GSE1: variants seen among roughly 807,000 people sequenced by gnomAD.
The protein encoded by GSE1 is Gse1 coiled-coil protein.
In GSE1, 32 loss-of-function variants were observed where a neutral mutation model predicts 112.6. The ratio of observed to expected loss-of-function variants is 0.28; its 90% confidence interval spans 0.21 to 0.38. The LOEUF (loss-of-function observed/expected upper bound fraction) is 0.38. Among genes scored for constraint, GSE1 ranks in the 10% least tolerant of loss-of-function variants. The probability of loss-of-function intolerance (pLI) is 1.00; values close to 1 mark genes in which losing one functional copy is unlikely to be tolerated. For synonymous variants in GSE1, 1,115 were observed against 735.6 expected, an observed-to-expected ratio of 1.52 and a Z score of -8.35; for missense variants, 2,348 against 1,699.2, an observed-to-expected ratio of 1.38 and a Z score of -6.71.
At chr16:85,550,647 G>A (rs549616096) in intron 2 of GSE1, among the ~76,000 whole-genome samples, 8 of 152,240 alleles carry the variant, frequency 5.3e-5, no homozygotes, top group African/African-American at 1.9e-4. Context: ...GAGGCACCCC[G>A]CCGCCTGCAC....
intron 1 of GSE1, among the ~76,000 whole-genome samples, chr16:85,234,883 CCAAAGAAA>C (rs1346012315): frequency 6.6e-6 from 1 of 152,134 alleles, no homozygotes; most frequent in African/African-American, 2.4e-5. Context: ...TCAGTTTACA[CCAAAGAAA>C]CAAAGGCGGC....
At chr16:85,653,721 CA>C (rs1443197523) in intron 3 of GSE1, among the ~76,000 whole-genome samples, 1 of 152,016 alleles carries the variant, frequency 6.6e-6, no homozygotes, top group Non-Finnish European at 1.5e-5. Context: ...TGGTTGGGGG[CA>C]GACCAGCACC....
chr16:85,350,535 C>T (rs1474524566), intron 1 of GSE1, among the ~76,000 whole-genome samples: 1 of 152,174 alleles, frequency 6.6e-6, no homozygotes, highest in Non-Finnish European at 1.5e-5. Context: ...GTGAGGGACA[C>T]TGGACAGGCC....
intron 1 of GSE1, among the ~76,000 whole-genome samples, chr16:85,352,124 C>T (rs1479510247): frequency 2.0e-5 from 3 of 152,186 alleles, no homozygotes; most frequent in Admixed American, 6.5e-5. Flanking sequence ...TACAGTCTTC[C>T]TCTTTGGAGC....
chr16:85,226,363 T>C (rs1250136281), intron 1 of GSE1, among the ~76,000 whole-genome samples: 1 of 152,224 alleles, frequency 6.6e-6, no homozygotes, highest in Non-Finnish European at 1.5e-5. Flanking sequence ...TTATTTAAGC[T>C]TAAAGAGTGA....
intron 2 of GSE1, among the ~76,000 whole-genome samples, chr16:85,413,434 T>C (rs1166879073): frequency 6.6e-6 from 1 of 151,998 alleles, no homozygotes; most frequent in East Asian, 1.9e-4. Context: ...CATGGCGGCC[T>C]GCTCTCCCGG....
intron 1 of GSE1, among the ~76,000 whole-genome samples, chr16:85,333,921 C>T (rs912694288): frequency 6.6e-6 from 1 of 152,194 alleles, no homozygotes; most frequent in African/African-American, 2.4e-5. Context: ...GGGGATGTCC[C>T]GTGCATGGCA....
At position 85,583,178 on chromosome 16, in the gene GSE1, T is replaced by C. The variant is rs530586524; in HGVS notation, c.37+26815T>C. On this transcript the variant is annotated intron_variant, in intron 1 of 2. Coordinates refer to the GSE1 transcript ENST00000635906. ...GCCCAGTCTTTGATTCCAACCCTGT[T>C]CCCCCGATTACAAGGGTAATAGGCA... 4.6e-5 allele frequency among the ~76,000 whole-genome samples: 7 copies of C among 152,204 alleles called. No individual in the cohort carries two copies. In the East Asian group the frequency reaches 1.4e-3, roughly 29 times the overall value.
chr16:85,491,293 C>G (rs1247599519), intron 2 of GSE1, among the ~76,000 whole-genome samples: 1 of 152,232 alleles, frequency 6.6e-6, no homozygotes, highest in Non-Finnish European at 1.5e-5. Flanking sequence ...ACCCAATGTT[C>G]ACTGAGCACC....
At chr16:85,370,279 G>A (rs907423968) in intron 2 of GSE1, among the ~76,000 whole-genome samples, 6 of 152,222 alleles carry the variant, frequency 3.9e-5, no homozygotes, top group East Asian at 1.9e-4. Context: ...TCTGAGCAAC[G>A]CACCCCAGGA....
intron 1 of GSE1, among the ~76,000 whole-genome samples, chr16:85,559,523 A>C (rs2045410439): frequency 6.6e-6 from 1 of 152,152 alleles, no homozygotes; most frequent in Non-Finnish European, 1.5e-5. Flanking sequence ...CACTGCAGGG[A>C]GCAAGGGCCC....
chr16:85,322,501 C>T (rs185787630), intron 1 of GSE1, among the ~76,000 whole-genome samples: 282 of 152,126 alleles, frequency 1.9e-3, no homozygotes, highest in African/African-American at 6.5e-3. Flanking sequence ...AGTGAGCCAA[C>T]AGTGGATACT....
Position 85,672,452 on chromosome 16 carries a change from C to G in GSE1, c.3567C>G (p.Leu1189=), listed in dbSNP as rs371441546. The change falls in exon 16 of 16, where the codon CTC becomes CTG. Residue 1189 remains leucine (L), a synonymous_variant. Coordinates refer to ENST00000253458, the MANE Select transcript of GSE1 (RefSeq NM_014615.5). ...AGATGGTCTCAGAAAGGGAGCGGCT[C>G]CAGGCAGAACTGGACCACTTACGAA... The part of the protein sequence containing the change: ...KQKMVSERER[L]QAELDHLRKC... 3.7e-6 allele frequency: 6 copies of G among 1,610,196 alleles called. No homozygotes were observed. The African/African-American group carries it at 5.3e-5, about 14-fold the overall frequency.
chr16:85,634,162 G>T, intron 2 of GSE1, 30 bp downstream of exon 2: 3 of 1,375,232 alleles, frequency 2.2e-6, no homozygotes, highest in South Asian at 1.6e-5. Flanking sequence ...TGCGCGTGGG[G>T]GGAGCGGCGG....
At chr16:85,212,175 A>G (rs2075237284) in intron 1 of GSE1, among the ~76,000 whole-genome samples, 1 of 152,114 alleles carries the variant, frequency 6.6e-6, no homozygotes, top group African/African-American at 2.4e-5. Flanking sequence ...GGAGGCCGAG[A>G]CCGGCAGAAC....
chr16:85,641,998 C>G (rs577431274), intron 2 of GSE1, among the ~76,000 whole-genome samples: 1 of 152,390 alleles, frequency 6.6e-6, no homozygotes, highest in Non-Finnish European at 1.5e-5. Flanking sequence ...CTGGCAGACA[C>G]AGGCTCTGTG....
chr16:85,560,831 T>A (rs1260547451), intron 1 of GSE1, among the ~76,000 whole-genome samples: 7 of 151,772 alleles, frequency 4.6e-5, no homozygotes, highest in Non-Finnish European at 1.0e-4. Context: ...CTAAAAAAAA[T>A]AATAATAATA....
In GSE1 at chr16:85,661,288, T is replaced by C. The variant is rs1376857230; in HGVS notation, c.1783T>C (p.Leu595=). 1 of 1,612,850 alleles carries C rather than the reference T, an allele frequency of 6.2e-7. No homozygotes were observed. Among genetic ancestry groups the C allele is most frequent in the African/African-American group, 1.3e-5 (1 of 75,044 alleles). ...CCCCGTGTCCCTGATGGACAACACC[T>C]TGGAGACGCGGCGGGCCGAAAGCCA... ...WNPVSLMDNT[L]ETRRAESHSL... The change falls in exon 9 of 16, where the codon TTG becomes CTG. Residue 595 remains leucine (L), a synonymous_variant. Coordinates refer to ENST00000253458, the MANE Select transcript of GSE1 (RefSeq NM_014615.5).
At chr16:85,511,870 A>G (rs1034529359) in intron 2 of GSE1, among the ~76,000 whole-genome samples, 2 of 152,140 alleles carry the variant, frequency 1.3e-5, no homozygotes, top group African/African-American at 4.8e-5. Context: ...GCCCAGTGCT[A>G]CTGATGTCCA....
Sources: gnomAD v4.1 joint callset for allele counts (sites outside exome capture counted in the v4.1 genomes callset) on GRCh38, gnomAD v4.1.1 for gene constraint, MANE v1.5 for transcripts, NCBI Gene and HGNC (gene_info 2026-07-23, HGNC 2026-07-21) for gene names.